The following DYNC2H1 variants were observed in gnomAD, a reference collection of about 807,000 sequenced individuals.
The protein encoded by DYNC2H1 is dynein cytoplasmic 2 heavy chain 1.
In DYNC2H1, 410 loss-of-function variants were observed where a neutral mutation model predicts 570.0. The ratio of observed to expected loss-of-function variants is 0.72; its 90% CI spans 0.66 to 0.78. The LOEUF (loss-of-function observed/expected upper bound fraction) is 0.78. Among genes scored for constraint, DYNC2H1 ranks in the 30% least tolerant of loss-of-function variants. The pLI, the probability that DYNC2H1 is intolerant of heterozygous loss-of-function variation, is 0.00. For synonymous variants in DYNC2H1, 1,688 were observed against 1,677.6 expected, an observed-to-expected ratio of 1.01 and a Z score of -0.15; for missense variants, 4,865 against 5,046.4, an observed-to-expected ratio of 0.96 and a Z score of 1.09.
At chr11:103,160,111 C>T (rs1445662830) in intron 28 of DYNC2H1, among the ~76,000 whole-genome samples, 2 of 152,032 alleles carry the variant, frequency 1.3e-5, no homozygotes, top group Non-Finnish European at 2.9e-5. Context: ...GCAATCAGAA[C>T]CCTTTTATTC....
In DYNC2H1 at chr11:103,154,503, A is replaced by G; in HGVS notation, c.3355A>G (p.Ser1119Gly). Residue 1119 changes from serine to glycine, a missense_variant, in exon 23 of 89, where the codon AGT (serine) becomes GGT (glycine). By Grantham distance (56) the Ser-to-Gly change is moderately conservative. Transcript: ENST00000375735. The stretch of plus-strand genomic sequence containing the variant: ...AGAGCCTAATTTCTCCCTGGCAAGT[A>G]GTATCTCTAAAGATATCGAGAGCTG... The part of the protein sequence containing the change: ...LEEPNFSLAS[S>G]ISKDIESCAQ... 1 of 1,568,436 alleles carries G rather than the reference A, an allele frequency of 6.4e-7. No homozygotes were observed. Among genetic ancestry groups the G allele is most frequent in the South Asian group, 1.2e-5 (1 of 82,892 alleles).
intron 17 of DYNC2H1, among the ~76,000 whole-genome samples, chr11:103,140,175 C>T (rs1267274376): frequency 1.3e-5 from 2 of 152,144 alleles, no homozygotes; most frequent in African/African-American, 2.4e-5. Flanking sequence ...TCCAATTTGC[C>T]AGTCTGTGTC....
chr11:103,367,994 C>T (rs780371394), intron 83 of DYNC2H1, among the ~76,000 whole-genome samples: 1 of 152,004 alleles, frequency 6.6e-6, no homozygotes, highest in Non-Finnish European at 1.5e-5. Flanking sequence ...TGTATATATA[C>T]CATGTTTTCT....
In DYNC2H1 at chr11:103,203,403, C is replaced by T. The variant is rs1380957775; in HGVS notation, c.8198-260C>T. ...ACACAAGTTTATTGAGGCTAGAGTA[C>T]AAGGTCTTATGGAGGAAGATGGAAA... is the stretch of plus-strand genomic sequence containing the variant. On this transcript the variant is annotated intron_variant, in intron 50 of 88. Coordinates refer to ENST00000375735, the MANE Select transcript of DYNC2H1 (RefSeq NM_001377.3). The surrounding 1 kb of genome is among the most constrained non-coding windows in gnomAD (Gnocchi z 4.7). Among the ~76,000 whole-genome samples, 3 of 151,976 alleles carry T rather than the reference C, an allele frequency of 2.0e-5. No individual in the cohort carries two copies. Among genetic ancestry groups the T allele is most frequent in the Non-Finnish European group, 4.4e-5 (3 of 67,982 alleles).
rs372880822 is a variant in DYNC2H1 at position 103,273,816 on chromosome 11, G to A, written c.10696-6532G>A. Among the ~76,000 whole-genome samples, 10 of 152,168 alleles carry A rather than the reference G, an allele frequency of 6.6e-5. No individual in the cohort carries two copies. In the East Asian group the frequency reaches 1.5e-3, roughly 24 times the overall value. On this transcript the variant is annotated intron_variant, in intron 70 of 88. Transcript: ENST00000375735. ...CTATGGAGTGCTGCGATGTGATTGA[G>A]CAACACCGTAATTATATGCTCATTC...
intron 15 of DYNC2H1, among the ~76,000 whole-genome samples, 184 bp from the exon 16 acceptor site, chr11:103,135,311 T>A (rs75685421): frequency 6.6e-6 from 1 of 152,300 alleles, no homozygotes; most frequent in East Asian, 1.9e-4. Flanking sequence ...AGATTAGATT[T>A]TCATATTTGT....
chr11:103,444,728 A>G (rs926370375), intron 85 of DYNC2H1, among the ~76,000 whole-genome samples: 1 of 152,186 alleles, frequency 6.6e-6, no homozygotes, highest in Non-Finnish European at 1.5e-5. Flanking sequence ...TGAATAAAGT[A>G]AGAGAGCAAA....
At chr11:103,168,619 T>C in intron 31 of DYNC2H1, 136 bp from the exon 32 acceptor site, 2 of 880,126 alleles carry the variant, frequency 2.3e-6, no homozygotes, top group Non-Finnish European at 3.4e-6. Flanking sequence ...ATGTGATTTG[T>C]ATTACTATAC....
At chr11:103,322,195 C>T (rs977551836) in intron 81 of DYNC2H1, among the ~76,000 whole-genome samples, 1 of 152,110 alleles carries the variant, frequency 6.6e-6, no homozygotes, top group South Asian at 2.1e-4. Context: ...AGTAATGCAC[C>T]TGTGGAGTTT....
rs746810111 is a variant in DYNC2H1 at position 103,307,751 on chromosome 11, T to G, written c.11413T>G (p.Phe3805Val). ...ELNTLQPKDTFRLWLTAEVHP... is the reference protein window; with the variant it reads ...ELNTLQPKDTVRLWLTAEVHP... ...GAATACTCTTCAACCTAAAGATACCTTTCGTCTTTGGCTCACTGCAGAAGT... is the reference window on the plus strand; with the variant it reads ...GAATACTCTTCAACCTAAAGATACCGTTCGTCTTTGGCTCACTGCAGAAGT... Residue 3805 changes from phenylalanine (F) to valine (V), a missense_variant, in exon 78 of 89, where the codon TTT becomes GTT. Transcript: ENST00000375735. The G allele has an allele frequency of 2.5e-6, 4 of 1,603,730 alleles. No homozygotes were observed. Among genetic ancestry groups the G allele is most frequent in the Non-Finnish European group, 3.4e-6 (4 of 1,174,522 alleles).
intron 30 of DYNC2H1, among the ~76,000 whole-genome samples, chr11:103,164,517 G>T (rs1040147195): frequency 6.6e-6 from 1 of 152,178 alleles, no homozygotes; most frequent in Non-Finnish European, 1.5e-5. Context: ...TAATGGTAGA[G>T]AGGGTACTTT....
Position 103,468,627 on chromosome 11 carries a change from A to C in DYNC2H1, c.12687A>C (p.Gly4229=). 6.2e-7 allele frequency: 1 copy of C among 1,613,690 alleles called. No individual in the cohort carries two copies. Among genetic ancestry groups the C allele is most frequent in the Non-Finnish European group, 8.5e-7 (1 of 1,179,710 alleles). The change falls in exon 88 of 89, where the codon GGA becomes GGC. Residue 4229 remains glycine (G), a synonymous_variant. Coordinates refer to ENST00000375735, the MANE Select transcript of DYNC2H1 (RefSeq NM_001377.3). The stretch of plus-strand genomic sequence containing the variant: ...TACTAGAAGGATGTAGTTTTGATGG[A>C]AATCAACTTTCTGAAAATCAGCTTG... ...GLLLEGCSFD[G]NQLSENQLDS...
chr11:103,156,010 A>G (rs1030562403), intron 25 of DYNC2H1, among the ~76,000 whole-genome samples: 1 of 152,186 alleles, frequency 6.6e-6, no homozygotes, highest in African/African-American at 2.4e-5. Flanking sequence ...CAATAAGATT[A>G]CAGTATAATT....
At position 103,160,948 on chromosome 11, in the gene DYNC2H1, C is replaced by T; in HGVS notation, c.4395C>T (p.Cys1465=). The T allele has an allele frequency of 6.4e-7, 1 of 1,556,808 alleles. No individual in the cohort carries two copies. The highest frequency in any genetic ancestry group is 8.7e-7 in the Non-Finnish European group (1 of 1,154,458). The change falls in exon 29 of 89, where the codon TGC becomes TGT. Residue 1465 remains cysteine (C), a synonymous_variant. Transcript: ENST00000375735. The part of the protein sequence containing the change: ...KKLFAGINSV[C]FDEKSKHITA... ...ATATTTCAGGTATTAACAGTGTTTG[C>T]TTTGATGAGAAATCAAAACATATAA... is the stretch of plus-strand genomic sequence containing the variant.
chr11:103,332,649 A>G (rs2514414), intron 82 of DYNC2H1, among the ~76,000 whole-genome samples: 73,075 of 152,074 alleles, frequency 0.48, 17,827 homozygotes, highest in Non-Finnish European at 0.53. Context: ...TTAAAGTGCC[A>G]CATGAAAAAA....
rs931711825 is a variant in DYNC2H1 at position 103,446,677 on chromosome 11, T to C, written c.12457-8509T>C. ...CAAAGGAATTTTTTTGGTTTGGTTT[T>C]GTTTTTTAATATAGGGGATTTTTGA... On this transcript the variant is annotated intron_variant, in intron 85 of 88. Transcript: ENST00000375735. The surrounding 1 kb of genome is among the most constrained non-coding windows in gnomAD (Gnocchi z 4.5). Among the ~76,000 whole-genome samples the C allele has an allele frequency of 6.6e-6, 1 of 152,154 alleles. No individual in the cohort carries two copies. Among genetic ancestry groups the C allele is most frequent in the Admixed American group, 6.5e-5 (1 of 15,280 alleles).
chr11:103,197,844 A>G, intron 47 of DYNC2H1, 89 bp from the exon 48 acceptor site: 1 of 1,377,252 alleles, frequency 7.3e-7, no homozygotes, highest in South Asian at 1.4e-5. Context: ...TTGGATTATT[A>G]ACTTAAAAAT....
intron 77 of DYNC2H1, 62 bp downstream of exon 77, chr11:103,304,782 C>T: frequency 6.9e-7 from 1 of 1,445,978 alleles, no homozygotes; most frequent in Non-Finnish European, 9.2e-7. Flanking sequence ...CTCCAAGGGA[C>T]ATCAGTATTA....
chr11:103,168,326 A>G (rs551200084), intron 31 of DYNC2H1, among the ~76,000 whole-genome samples: 1 of 152,264 alleles, frequency 6.6e-6, no homozygotes, highest in Non-Finnish European at 1.5e-5. Flanking sequence ...CGTTGCCAGA[A>G]GGGGGGAAAA....
Sources: allele counts gnomAD v4.1 joint callset (sites outside exome capture counted in the v4.1 genomes callset), GRCh38; gene constraint gnomAD v4.1.1; non-coding constraint Gnocchi (gnomAD v3.1); transcripts MANE v1.5; gene names NCBI Gene and HGNC (gene_info 2026-07-23, HGNC 2026-07-21).